The following GAB2 variants were observed in gnomAD, a reference collection of about 807,000 sequenced individuals.
GAB2 encodes GRB2 associated binding protein 2.
Under a neutral mutation model 65.5 loss-of-function variants are expected in GAB2, and 26 were observed. The ratio of observed to expected loss-of-function variants is 0.40; its 90% confidence interval spans 0.29 to 0.55. The LOEUF is 0.55. Ranked by LOEUF, GAB2 falls within the 20% of genes least tolerant of loss-of-function variation. The pLI, the probability that GAB2 is intolerant of heterozygous loss-of-function variation, is 0.53. For missense variants in GAB2, 884 were observed against 875.8 expected (o/e 1.01, Z -0.12); for synonymous variants, 321 against 329.6 (o/e 0.97, Z 0.28).
intron 1 of GAB2, 34 bp from the exon 2 acceptor site, chr11:78,280,935 G>C (rs546578924): frequency 3.9e-6 from 6 of 1,557,436 alleles, no homozygotes; most frequent in Admixed American, 1.7e-5. Context: ...AGAAGAGGGG[G>C]AAGAAGTCAT....
chr11:78,242,815 A>G (rs2134508155), intron 3 of GAB2, among the ~76,000 whole-genome samples: 1 of 152,350 alleles, frequency 6.6e-6, no homozygotes, highest in African/African-American at 2.4e-5. Flanking sequence ...AAGAATAAAC[A>G]AAATCAAACC....
chr11:78,353,096 G>A (rs888694250), intron 1 of GAB2, among the ~76,000 whole-genome samples: 5 of 152,156 alleles, frequency 3.3e-5, no homozygotes, highest in African/African-American at 1.2e-4. Flanking sequence ...CTAGGAGCTT[G>A]TTACACGTGT....
chr11:78,376,666 A>G (rs1856634745), intron 1 of GAB2, among the ~76,000 whole-genome samples: 1 of 152,166 alleles, frequency 6.6e-6, no homozygotes, highest in Non-Finnish European at 1.5e-5. Flanking sequence ...ATAACCATAA[A>G]AGTCTGGACA....
At chr11:78,336,432 AT>A (rs1172243181) in intron 1 of GAB2, among the ~76,000 whole-genome samples, 1 of 131,594 alleles carries the variant, frequency 7.6e-6, no homozygotes, top group African/African-American at 2.8e-5. Context: ...TTGTATGCTG[AT>A]TTTGTATCCT....
intron 1 of GAB2, among the ~76,000 whole-genome samples, chr11:78,400,825 G>A (rs766759720): frequency 1.5e-5 from 2 of 137,434 alleles, no homozygotes; most frequent in African/African-American, 2.7e-5. Flanking sequence ...AATTGCTTAC[G>A]CCTAGGAGGC....
chr11:78,381,627 A>G (rs777267929), intron 1 of GAB2, among the ~76,000 whole-genome samples: 2 of 152,064 alleles, frequency 1.3e-5, no homozygotes, highest in African/African-American at 4.8e-5. Flanking sequence ...TCCTTTCCCT[A>G]TATCAGATCT....
At chr11:78,336,654 G>A (rs1856008791) in intron 1 of GAB2, among the ~76,000 whole-genome samples, 1 of 152,002 alleles carries the variant, frequency 6.6e-6, no homozygotes, top group Non-Finnish European at 1.5e-5. Flanking sequence ...AGAATTTTGT[G>A]TTTTGTCTAT....
chr11:78,404,428 TCCCAG>T (rs1471738020), intron 1 of GAB2, among the ~76,000 whole-genome samples: 26 of 152,254 alleles, frequency 1.7e-4, no homozygotes, highest in Non-Finnish European at 2.9e-5. Context: ...ATGTCTGTAG[TCCCAG>T]CTACTCAGGA....
intron 1 of GAB2, among the ~76,000 whole-genome samples, chr11:78,390,932 T>G (rs1856826717): frequency 6.6e-6 from 1 of 152,224 alleles, no homozygotes; most frequent in African/African-American, 2.4e-5. Context: ...ATGAAATCCC[T>G]GCCTTGACCA....
chr11:78,334,784 T>A (rs966961116), intron 1 of GAB2, among the ~76,000 whole-genome samples: 43 of 152,364 alleles, frequency 2.8e-4, no homozygotes, highest in African/African-American at 1.0e-3. Context: ...GTGGGATTGC[T>A]GGATCACATG....
At chr11:78,328,380 G>A (rs1855860826) in intron 1 of GAB2, among the ~76,000 whole-genome samples, 1 of 152,152 alleles carries the variant, frequency 6.6e-6, no homozygotes, top group Non-Finnish European at 1.5e-5. Flanking sequence ...TTAATAATAA[G>A]GAAAGCTGGG....
Position 78,250,288 on chromosome 11 carries a change from G to C in GAB2, c.489C>G (p.His163Gln). 1 of 1,613,798 alleles carries C rather than the reference G, an allele frequency of 6.2e-7. No homozygotes were observed. Among genetic ancestry groups the C allele is most frequent in the Non-Finnish European group, 8.5e-7 (1 of 1,179,962 alleles). ...LRERKSSAPS[H>Q]SSQPTLFTFE... is the part of the protein sequence containing the mutation. ...ACGTGAACAGAGTTGGCTGGCTGGA[G>C]TGTGATGGGGCTGAGGACTTGCGCT... The change falls in exon 3 of 10, where the codon CAC becomes CAG. Residue 163 changes from histidine to glutamine, a missense_variant. His to Gln is a conservative substitution (Grantham distance 24, BLOSUM62 0). Transcript: ENST00000361507.
chr11:78,280,212 G>T (rs1866294355), intron 2 of GAB2, among the ~76,000 whole-genome samples: 1 of 152,150 alleles, frequency 6.6e-6, no homozygotes, highest in South Asian at 2.1e-4. Context: ...AATGGGCTAG[G>T]ACAGACAGAG....
In GAB2 at chr11:78,223,815, G is replaced by T; in HGVS notation, c.1303-139C>A. On this transcript the variant is annotated intron_variant, in intron 5 of 9. Transcript: ENST00000361507. ...GAAGCTGTAAGGGAGACCTTGGGGAGACCAAATAAGAAAGCAGAGTAGTGG... is the reference window on the plus strand; with the variant it reads ...GAAGCTGTAAGGGAGACCTTGGGGATACCAAATAAGAAAGCAGAGTAGTGG... 4 of 671,152 alleles carry T rather than the reference G, an allele frequency of 6.0e-6. No homozygotes were observed. In the South Asian group the frequency reaches 6.6e-5, roughly 11 times the overall value. 41.6% of individuals were successfully genotyped at this position (671,152 alleles called of 1,614,324 possible).
chr11:78,392,932 C>G (rs1026417284), intron 1 of GAB2, among the ~76,000 whole-genome samples: 1 of 152,214 alleles, frequency 6.6e-6, no homozygotes, highest in African/African-American at 2.4e-5. Context: ...CGTCTTATCT[C>G]TTGCTTCTGT....
At position 78,410,554 on chromosome 11, in the gene GAB2, G is replaced by A. The variant is rs182805436; in HGVS notation, c.75+7092C>T. Among the ~76,000 whole-genome samples the A allele has an allele frequency of 1.8e-3, 280 of 152,146 alleles. 1 individual carries two copies. Among genetic ancestry groups the A allele is most frequent in the African/African-American group, 6.6e-3 (273 of 41,534 alleles). ...AAGCAATGTCAGTATGCAAGAATAA[G>A]GGTTAAAAAAATAAAGCAGTGGACC... is the stretch of plus-strand genomic sequence containing the variant. On this transcript the variant is annotated intron_variant, in intron 1 of 9. Transcript: ENST00000361507.
intron 1 of GAB2, among the ~76,000 whole-genome samples, chr11:78,375,976 T>C (rs1333229362): frequency 6.6e-6 from 1 of 152,222 alleles, no homozygotes; most frequent in Non-Finnish European, 1.5e-5. Flanking sequence ...GCTCTGTGCA[T>C]TCCAGATTTA....
chr11:78,264,463 C>T (rs149582123), intron 2 of GAB2, among the ~76,000 whole-genome samples: 3 of 151,942 alleles, frequency 2.0e-5, no homozygotes, highest in Non-Finnish European at 2.9e-5. Flanking sequence ...TGCAGTGGCA[C>T]GATCTCAGCT....
chr11:78,241,615 A>C (rs1322595523), intron 3 of GAB2, among the ~76,000 whole-genome samples: 1 of 152,078 alleles, frequency 6.6e-6, no homozygotes, highest in African/African-American at 2.4e-5. Flanking sequence ...GAGAAAGAAA[A>C]AAAAAAACCC....
Sources: gnomAD v4.1 joint callset for allele counts (sites outside exome capture counted in the v4.1 genomes callset) on GRCh38, gnomAD v4.1.1 for gene constraint, MANE v1.5 for transcripts, NCBI Gene and HGNC (gene_info 2026-07-23, HGNC 2026-07-21) for gene names.